Variants in MAP2K3 observed in about 807,000 individuals in gnomAD.
MAP2K3 encodes the protein dual specificity mitogen-activated protein kinase kinase 3.
A neutral mutation model predicts 46.4 loss-of-function variants in MAP2K3; 30 were observed. That is an observed-to-expected ratio of 0.65 (90% CI 0.48 to 0.88). The LOEUF is 0.88. Ranked by LOEUF, MAP2K3 falls within the 40% of genes least tolerant of loss-of-function variation. The probability of loss-of-function intolerance (pLI) is 0.00; values close to 1 mark genes in which losing one functional copy is unlikely to be tolerated. For synonymous variants in MAP2K3, 189 were observed against 176.3 expected (o/e 1.07, Z -0.57); for missense variants, 380 against 464.5 (o/e 0.82, Z 1.67).
chr17:21,292,878 C>T (rs2144490610), intron 1 of MAP2K3, among the ~76,000 whole-genome samples: 1 of 152,428 alleles, frequency 6.6e-6, no homozygotes, highest in Middle Eastern at 3.4e-3. Flanking sequence ...CTGCTGAGGA[C>T]CTGCAGGATC....
At chr17:21,295,870 A>G in intron 1 of MAP2K3, 1 of 1,285,914 alleles carries the variant, frequency 7.8e-7, no homozygotes, top group Non-Finnish European at 1.0e-6. Flanking sequence ...AGGGACCAAG[A>G]GCAGAGAGAG....
intron 1 of MAP2K3, among the ~76,000 whole-genome samples, chr17:21,289,954 C>T (rs1975839899): frequency 6.6e-6 from 1 of 152,138 alleles, no homozygotes; most frequent in Admixed American, 6.5e-5. Flanking sequence ...GCCGGCACCA[C>T]CTCCTGCCAT....
intron 1 of MAP2K3, chr17:21,295,866 C>A: frequency 1.6e-6 from 2 of 1,286,200 alleles, no homozygotes; most frequent in Admixed American, 4.6e-5. Flanking sequence ...CCAGAGGGAC[C>A]AAGAGCAGAG....
chr17:21,298,957 T>C, intron 3 of MAP2K3, 31 bp downstream of exon 3: 1 of 1,613,510 alleles, frequency 6.2e-7, no homozygotes, highest in Non-Finnish European at 8.5e-7. Flanking sequence ...CTGCAGGGCC[T>C]CTCACTTCAC....
chr17:21,285,925 G>A (rs1226218644), intron 1 of MAP2K3, among the ~76,000 whole-genome samples: 1 of 151,976 alleles, frequency 6.6e-6, no homozygotes. Flanking sequence ...GAAGAGGAAA[G>A]GATGTTTTTG....
intron 1 of MAP2K3, chr17:21,291,585 C>T: frequency 2.2e-6 from 1 of 456,526 alleles, no homozygotes; most frequent in Non-Finnish European, 4.4e-6. Context: ...GAGGGCTGAG[C>T]ATCACTTGTG....
intron 8 of MAP2K3, among the ~76,000 whole-genome samples, chr17:21,304,817 C>T (rs1246817986): frequency 2.0e-5 from 3 of 152,306 alleles, no homozygotes; most frequent in African/African-American, 4.8e-5. Flanking sequence ...TGTGCAGGTC[C>T]CGCCCCGCCC....
intron 1 of MAP2K3, chr17:21,296,275 C>T (rs1242125698): frequency 3.8e-6 from 4 of 1,064,296 alleles, no homozygotes; most frequent in Non-Finnish European, 5.1e-6. Flanking sequence ...AGGAGGGCAC[C>T]ATGCCAGGGT....
At chr17:21,294,121 TC>T (rs1398064746) in intron 1 of MAP2K3, among the ~76,000 whole-genome samples, 1 of 152,312 alleles carries the variant, frequency 6.6e-6, no homozygotes, top group Non-Finnish European at 1.5e-5. Context: ...GGCCTCAGTT[TC>T]CCCCGTGCCA....
chr17:21,298,759 C>A, intron 2 of MAP2K3, 119 bp from the exon 3 acceptor site: 6 of 1,464,398 alleles, frequency 4.1e-6, no homozygotes, highest in South Asian at 1.2e-5. Flanking sequence ...CCGGAGAAGG[C>A]GCCTCCGGGG....
At chr17:21,304,984 G>A (rs1407850235) in intron 8 of MAP2K3, 67 bp from the exon 9 acceptor site, 26 of 1,593,290 alleles carry the variant, frequency 1.6e-5, no homozygotes, top group Non-Finnish European at 2.2e-5. Flanking sequence ...TGGGGATTGG[G>A]AGGCAAGGCC....
intron 5 of MAP2K3, 33 bp from the exon 6 acceptor site, chr17:21,302,110 G>T: frequency 6.2e-7 from 1 of 1,611,546 alleles, no homozygotes; most frequent in Non-Finnish European, 8.5e-7. Flanking sequence ...GGGCAGCCCG[G>T]CAGCCTGGCT....
chr17:21,307,200 T>TA (rs1976931960), intron 9 of MAP2K3, among the ~76,000 whole-genome samples: 1 of 152,306 alleles, frequency 6.6e-6, no homozygotes, highest in African/African-American at 2.4e-5. Flanking sequence ...AGCAGCCCCA[T>TA]CTGAGGCTGT....
intron 1 of MAP2K3, among the ~76,000 whole-genome samples, chr17:21,296,643 GTTCCCCAAGT>G (rs1345928403): frequency 1.3e-5 from 2 of 152,312 alleles, no homozygotes; most frequent in South Asian, 2.1e-4. Flanking sequence ...CTCTGAGCCT[GTTCCCCAAGT>G]AAAGTGAGGT....
rs1203006091 is a variant in MAP2K3, at chr17:21,299,075, G to C, written c.165+149G>C. ...AGAGCCTCGTCCTGCGCTGCTGGCTGTGTGGCCCTGGGCCACCCACTCTTT... is the reference window on the plus strand; with the variant it reads ...AGAGCCTCGTCCTGCGCTGCTGGCTCTGTGGCCCTGGGCCACCCACTCTTT... On this transcript the variant is annotated intron_variant, in intron 3 of 11. Transcript: ENST00000342679. 7.4e-5 allele frequency: 89 copies of C among 1,194,824 alleles called. No individual in the cohort carries two copies. In the East Asian group the frequency reaches 2.1e-3, roughly 28 times the overall value. The allele number at this position is 1,194,824 out of a possible 1,614,324, so 74.0% of individuals were successfully genotyped here. A position where few individuals can be genotyped will look rare whatever the true frequency, so the allele number is the denominator to read the frequency against.
intron 1 of MAP2K3, chr17:21,295,871 G>A: frequency 1.6e-6 from 2 of 1,285,830 alleles, no homozygotes; most frequent in Non-Finnish European, 2.0e-6. Flanking sequence ...GGGACCAAGA[G>A]CAGAGAGAGT....
At chr17:21,293,588 C>T (rs1976069673) in intron 1 of MAP2K3, among the ~76,000 whole-genome samples, 1 of 152,310 alleles carries the variant, frequency 6.6e-6, no homozygotes, top group African/African-American at 2.4e-5. Context: ...CCCCCGTTCT[C>T]TGCAGGTGAG....
Position 21,301,251 on chromosome 17 carries a change from G to A in MAP2K3, c.399+258G>A, listed in dbSNP as rs1272106930. Among the ~76,000 whole-genome samples, 5 of 152,280 alleles carry A rather than the reference G, an allele frequency of 3.3e-5. No individual in the cohort carries two copies. In the South Asian group the frequency reaches 1.0e-3, roughly 31 times the overall value. On this transcript the variant is annotated intron_variant, in intron 5 of 11. Coordinates refer to ENST00000342679, the MANE Select transcript of MAP2K3 (RefSeq NM_145109.3). ...GACATGGCCTGGGGCCTGGCATTCA[G>A]CTGCACTCAGTTCTGTCTGTGTGAC... is the stretch of plus-strand genomic sequence containing the variant.
At chr17:21,294,115 TCA>T (rs1217188947) in intron 1 of MAP2K3, among the ~76,000 whole-genome samples, 1 of 152,312 alleles carries the variant, frequency 6.6e-6, no homozygotes, top group Non-Finnish European at 1.5e-5. Flanking sequence ...TCTCGGGGCC[TCA>T]GTTTCCCCCG....
Sources: allele counts gnomAD v4.1 joint callset (sites outside exome capture counted in the v4.1 genomes callset), GRCh38; gene constraint gnomAD v4.1.1; transcripts MANE v1.5; gene names NCBI Gene and HGNC (gene_info 2026-07-23, HGNC 2026-07-21).